The following SYN3 variants were observed in gnomAD, a reference collection of about 807,000 sequenced individuals.
The protein encoded by SYN3 is synapsin III.
Under a neutral mutation model 65.8 loss-of-function variants are expected in SYN3, and 35 were observed. The ratio of observed to expected loss-of-function variants is 0.53; its 90% CI spans 0.41 to 0.70. The LOEUF (loss-of-function observed/expected upper bound fraction) is 0.70, where lower values mean the gene tolerates loss of function less well. Ranked by LOEUF, SYN3 falls within the 30% of genes least tolerant of loss-of-function variation. The pLI, the probability that SYN3 is intolerant of heterozygous loss-of-function variation, is 0.00. For synonymous variants in SYN3, 270 were observed against 292.9 expected (o/e 0.92, Z 0.80); for missense variants, 680 against 749.0 (o/e 0.91, Z 1.08).
chr22:32,952,185 G>A (rs1364675112), intron 3 of SYN3, among the ~76,000 whole-genome samples: 2 of 152,006 alleles, frequency 1.3e-5, no homozygotes, highest in Non-Finnish European at 2.9e-5. Flanking sequence ...AGAAGCACTC[G>A]GCATCTCAGT....
At chr22:33,046,841 TAAAAAAAA>T (rs71187229) in intron 1 of SYN3, among the ~76,000 whole-genome samples, 3 of 92,766 alleles carry the variant, frequency 3.2e-5, no homozygotes, top group African/African-American at 4.2e-5. Flanking sequence ...AGTCTCTGTT[TAAAAAAAA>T]AAAAAAAAAA....
chr22:32,810,870 T>C (rs1022258015), intron 6 of SYN3, among the ~76,000 whole-genome samples: 4 of 152,222 alleles, frequency 2.6e-5, no homozygotes, highest in Non-Finnish European at 5.9e-5. Context: ...TTTATCATCA[T>C]GAATAAGCTC....
chr22:32,651,638 C>G (rs546535046), intron 6 of SYN3, among the ~76,000 whole-genome samples: 27 of 152,158 alleles, frequency 1.8e-4, no homozygotes, highest in Non-Finnish European at 3.1e-4. Context: ...TACATCAACT[C>G]AGCCACGCGT....
intron 12 of SYN3, among the ~76,000 whole-genome samples, chr22:32,520,151 A>T (rs1343929648): frequency 6.6e-6 from 1 of 152,100 alleles, no homozygotes; most frequent in East Asian, 1.9e-4. Flanking sequence ...GTATATATAT[A>T]ATTTTTAATT....
intron 9 of SYN3, among the ~76,000 whole-genome samples, chr22:32,537,799 A>G (rs2058189725): frequency 3.3e-5 from 5 of 152,176 alleles, no homozygotes. Flanking sequence ...GTGATCCTAG[A>G]CAAATCACTT....
chr22:32,827,406 T>C (rs1010188259), intron 6 of SYN3, among the ~76,000 whole-genome samples: 6 of 152,204 alleles, frequency 3.9e-5, no homozygotes, highest in Non-Finnish European at 1.5e-5. Flanking sequence ...AGGAACACAG[T>C]TCCAAATACC....
At chr22:32,940,244 T>C (rs1298836927) in intron 3 of SYN3, among the ~76,000 whole-genome samples, 1 of 152,222 alleles carries the variant, frequency 6.6e-6, no homozygotes, top group Non-Finnish European at 1.5e-5. Context: ...TCTCAAAATA[T>C]ATTGTAGATA....
Position 32,525,141 on chromosome 22 carries a change from G to A in SYN3, c.1318+2777C>T, listed in dbSNP as rs1232684741. On this transcript the variant is annotated intron_variant, in intron 12 of 13. Coordinates refer to ENST00000358763, the MANE Select transcript of SYN3 (RefSeq NM_003490.4). ...TTTCTAGATGCCATTAATAATATTT[G>A]GGATTCATAGGAGGAGATCAAAATA... is the stretch of plus-strand genomic sequence containing the variant. 3.3e-5 allele frequency among the ~76,000 whole-genome samples: 5 copies of A among 152,310 alleles called. No individual in the cohort carries two copies. The East Asian group carries it at 9.6e-4, about 29-fold the overall frequency.
At chr22:32,820,377 T>TGC (rs1251071135) in intron 6 of SYN3, among the ~76,000 whole-genome samples, 1 of 149,386 alleles carries the variant, frequency 6.7e-6, no homozygotes. Context: ...TGTGTGTGTG[T>TGC]GGTGTGTTCT....
chr22:32,728,111 A>G (rs2061221724), intron 6 of SYN3, among the ~76,000 whole-genome samples: 3 of 152,242 alleles, frequency 2.0e-5, no homozygotes, highest in Non-Finnish European at 4.4e-5. Context: ...AAAGACTTAA[A>G]TGTAAAACCC....
Position 32,541,729 on chromosome 22 carries a change from A to G in SYN3, c.775-16T>C. 1.2e-6 allele frequency: 2 copies of G among 1,611,120 alleles called. No homozygotes were observed. Among genetic ancestry groups the G allele is most frequent in the Non-Finnish European group, 1.7e-6 (2 of 1,178,254 alleles). On this transcript the variant is annotated splice_polypyrimidine_tract_variant and intron_variant, in intron 7 of 13. Transcript: ENST00000358763. ...CCACTTTGATCTGTGTGGGAGGATG[A>G]GGGGGATGAGTGCCACCCACCCCGT...
Position 33,009,407 on chromosome 22 carries a change from A to C in SYN3, c.-162-2583T>G, listed in dbSNP as rs377034607. 2.0e-4 allele frequency among the ~76,000 whole-genome samples: 30 copies of C among 152,286 alleles called. No individual in the cohort carries two copies. The East Asian group carries it at 3.3e-3, about 17-fold the overall frequency. ...TTTCATGGGTTTACTGGCCAGTGAC[A>C]TATCTTCTTTTGTGGATATCTATTC... On this transcript the variant is annotated intron_variant, in intron 1 of 13. Coordinates refer to ENST00000358763, the MANE Select transcript of SYN3 (RefSeq NM_003490.4).
At chr22:33,051,177 G>C (rs117589217) in intron 1 of SYN3, among the ~76,000 whole-genome samples, 8,146 of 152,180 alleles carry the variant, frequency 0.054, 465 homozygotes, top group East Asian at 0.27. Context: ...CTAGAACACA[G>C]GGTGGCAAAC....
chr22:33,032,079 G>A (rs536858064), intron 1 of SYN3, among the ~76,000 whole-genome samples: 60 of 151,694 alleles, frequency 4.0e-4, no homozygotes, highest in African/African-American at 1.2e-3. Context: ...GCGTGGTGGC[G>A]GGCGCCTGTA....
At chr22:32,968,499 A>T (rs1051713335) in intron 3 of SYN3, among the ~76,000 whole-genome samples, 1 of 152,172 alleles carries the variant, frequency 6.6e-6, no homozygotes, top group Admixed American at 6.5e-5. Context: ...CTAGGACACA[A>T]TTCTTAGTTG....
chr22:32,753,692 C>G (rs897521018), intron 6 of SYN3, among the ~76,000 whole-genome samples: 1 of 152,284 alleles, frequency 6.6e-6, no homozygotes, highest in African/African-American at 2.4e-5. Flanking sequence ...ATCCCATACA[C>G]TTAACGCCCA....
At chr22:32,849,181 CG>C (rs1569273546) in intron 6 of SYN3, among the ~76,000 whole-genome samples, 1 of 152,088 alleles carries the variant, frequency 6.6e-6, no homozygotes, top group African/African-American at 2.4e-5. Flanking sequence ...TCAGGGTCGG[CG>C]GGGGTTGACT....
intron 2 of SYN3, among the ~76,000 whole-genome samples, chr22:32,986,261 G>A (rs2052524427): frequency 6.6e-6 from 1 of 152,164 alleles, no homozygotes; most frequent in East Asian, 1.9e-4. Context: ...CCACTGCGAT[G>A]TGGGGGTGTG....
chr22:32,617,802 G>A (rs1224399568), intron 6 of SYN3, among the ~76,000 whole-genome samples: 3 of 151,894 alleles, frequency 2.0e-5, no homozygotes, highest in Non-Finnish European at 4.4e-5. Flanking sequence ...TTAGGGAGAG[G>A]AGGGGTTGGG....
Sources: gnomAD v4.1 joint callset for allele counts (sites outside exome capture counted in the v4.1 genomes callset) on GRCh38, gnomAD v4.1.1 for gene constraint, MANE v1.5 for transcripts, NCBI Gene and HGNC (gene_info 2026-07-23, HGNC 2026-07-21) for gene names.